The following SOX5 variants were observed in gnomAD, a reference collection of about 807,000 sequenced individuals.
The protein encoded by SOX5 is SRY-box transcription factor 5, also known as transcription factor SOX-5.
In SOX5, 9 loss-of-function variants were observed where a neutral mutation model predicts 92.0. The observed-to-expected ratio is 0.10, with a 90% confidence interval of 0.06 to 0.17. SOX5 has a LOEUF of 0.17. Among genes scored for constraint, SOX5 ranks in the 10% least tolerant of loss-of-function variants. SOX5 has a pLI of 1.00. For missense variants in SOX5, 642 were observed against 944.5 expected (o/e 0.68, Z 4.20); for synonymous variants, 344 against 336.3 (o/e 1.02, Z -0.25).
chr12:24,167,908 C>A (rs145245783), intron 4 of SOX5, among the ~76,000 whole-genome samples: 2 of 152,094 alleles, frequency 1.3e-5, no homozygotes, highest in Admixed American at 6.5e-5. Context: ...AGGGTGCAAA[C>A]CCAGACATTT....
chr12:23,896,080 C>A (rs559622445), intron 1 of SOX5, 56 bp from the exon 2 acceptor site: 36 of 1,244,300 alleles, frequency 2.9e-5, no homozygotes, highest in Non-Finnish European at 8.2e-6. Flanking sequence ...TCCTTAATGC[C>A]GTCATTGTGT....
At chr12:24,327,011 T>C (rs1950777226) in intron 2 of SOX5, among the ~76,000 whole-genome samples, 2 of 152,190 alleles carry the variant, frequency 1.3e-5, no homozygotes, top group Admixed American at 1.3e-4. Context: ...TCAGACACAG[T>C]AGGTGCTCAA....
chr12:24,457,715 T>C (rs147914471), intron 1 of SOX5, among the ~76,000 whole-genome samples: 513 of 152,316 alleles, frequency 3.4e-3, no homozygotes, highest in Middle Eastern at 6.8e-3. Context: ...ATAATTTTAA[T>C]GCAAACTGAT....
intron 2 of SOX5, among the ~76,000 whole-genome samples, chr12:24,367,327 C>T (rs181355775): frequency 4.9e-4 from 75 of 152,236 alleles, no homozygotes; most frequent in Non-Finnish European, 9.3e-4. Flanking sequence ...AGAAATGCCA[C>T]GCTATTCAAA....
chr12:24,450,220 T>G (rs532716250), intron 1 of SOX5, among the ~76,000 whole-genome samples: 64 of 152,310 alleles, frequency 4.2e-4, no homozygotes, highest in Admixed American at 4.1e-3. Context: ...GGATTCACAA[T>G]GCACAATGTG....
intron 1 of SOX5, among the ~76,000 whole-genome samples, chr12:24,493,883 T>C (rs1300538412): frequency 6.6e-6 from 1 of 151,996 alleles, no homozygotes; most frequent in Non-Finnish European, 1.5e-5. Context: ...AAAAATAGTT[T>C]GTTTTTAAAA....
chr12:24,433,908 C>G (rs1263665568), intron 1 of SOX5, among the ~76,000 whole-genome samples: 1 of 151,992 alleles, frequency 6.6e-6, no homozygotes, highest in Non-Finnish European at 1.5e-5. Context: ...AGGAACATGT[C>G]AAATAGCAAG....
intron 9 of SOX5, among the ~76,000 whole-genome samples, chr12:23,577,174 C>CAT (rs1420125655): frequency 1.1e-5 from 1 of 93,920 alleles, no homozygotes; most frequent in South Asian, 3.7e-4. Context: ...CACACACACA[C>CAT]ACATATATAT....
chr12:23,934,323 A>G (rs1162250559), intron 1 of SOX5, among the ~76,000 whole-genome samples: 4 of 150,868 alleles, frequency 2.7e-5, no homozygotes, highest in Non-Finnish European at 5.9e-5. Flanking sequence ...CTCTTCCCCC[A>G]TTTCACTTTA....
At chr12:23,982,109 A>G (rs974729426) in intron 4 of SOX5, among the ~76,000 whole-genome samples, 1 of 152,212 alleles carries the variant, frequency 6.6e-6, no homozygotes, top group African/African-American at 2.4e-5. Flanking sequence ...TTGGGCACGA[A>G]CGAACATTTG....
chr12:24,498,739 C>T (rs1435285163), intron 1 of SOX5, among the ~76,000 whole-genome samples: 2 of 152,062 alleles, frequency 1.3e-5, no homozygotes, highest in Non-Finnish European at 2.9e-5. Flanking sequence ...CCCTTCGGCC[C>T]AAATCTTCAC....
chr12:24,399,185 A>G (rs545420393), intron 1 of SOX5, among the ~76,000 whole-genome samples: 9 of 147,728 alleles, frequency 6.1e-5, no homozygotes, highest in Non-Finnish European at 9.0e-5. Flanking sequence ...CAAATTTTAC[A>G]AAAAAAAAAC....
At chr12:24,361,366 C>T (rs1955534463) in intron 2 of SOX5, among the ~76,000 whole-genome samples, 1 of 152,142 alleles carries the variant, frequency 6.6e-6, no homozygotes, top group Non-Finnish European at 1.5e-5. Context: ...CCCGCCCCAC[C>T]TCTTACTAGC....
chr12:24,351,655 C>T (rs1445138435), intron 2 of SOX5, among the ~76,000 whole-genome samples: 1 of 152,108 alleles, frequency 6.6e-6, no homozygotes, highest in African/African-American at 2.4e-5. Flanking sequence ...TCACGGCAGC[C>T]TAAGTTGCTG....
intron 4 of SOX5, among the ~76,000 whole-genome samples, chr12:24,067,334 T>A (rs994647544): frequency 6.6e-6 from 1 of 152,026 alleles, no homozygotes; most frequent in African/African-American, 2.4e-5. Flanking sequence ...CGTAATATAG[T>A]CAAAACAACC....
intron 1 of SOX5, among the ~76,000 whole-genome samples, chr12:24,435,942 G>A (rs1476438724): frequency 6.6e-6 from 1 of 152,078 alleles, no homozygotes; most frequent in Non-Finnish European, 1.5e-5. Context: ...CCAAGATCAG[G>A]GATCTTTGAT....
chr12:24,486,109 A>T (rs1043694690), intron 1 of SOX5, among the ~76,000 whole-genome samples: 7 of 151,604 alleles, frequency 4.6e-5, no homozygotes, highest in African/African-American at 1.5e-4. Context: ...CTAATTTTTA[A>T]TTTTTTTTGT....
intron 1 of SOX5, among the ~76,000 whole-genome samples, chr12:23,925,207 A>T (rs1054857725): frequency 5.3e-5 from 8 of 152,118 alleles, no homozygotes; most frequent in Admixed American, 4.6e-4. Flanking sequence ...TTTTAGGTAG[A>T]ATTCAATGGA....
At chr12:23,565,778 T>C (rs1160859084) in intron 10 of SOX5, among the ~76,000 whole-genome samples, 1 of 152,256 alleles carries the variant, frequency 6.6e-6, no homozygotes, top group Non-Finnish European at 1.5e-5. Flanking sequence ...TTAACATTTG[T>C]ATCTGCTATG....
Sources: allele counts gnomAD v4.1 joint callset (sites outside exome capture counted in the v4.1 genomes callset), GRCh38; gene constraint gnomAD v4.1.1; transcripts MANE v1.5; gene names NCBI Gene and HGNC (gene_info 2026-07-23, HGNC 2026-07-21).